The following CARF variants were observed in gnomAD, a reference collection of about 807,000 sequenced individuals.
CARF encodes the protein calcium responsive transcription factor.
A neutral mutation model predicts 82.0 loss-of-function variants in CARF; 57 were observed. That is an observed-to-expected ratio of 0.70 (90% CI 0.56 to 0.87). CARF has a LOEUF of 0.87. Ranked by LOEUF, CARF falls within the 40% of genes least tolerant of loss-of-function variation. CARF has a pLI of 0.00. For synonymous variants in CARF, 268 were observed against 290.1 expected (o/e 0.92, Z 0.77); for missense variants, 771 against 855.8 (o/e 0.90, Z 1.24).
At chr2:202,923,291 T>C (rs925348423) in intron 2 of CARF, among the ~76,000 whole-genome samples, 4 of 152,144 alleles carry the variant, frequency 2.6e-5, no homozygotes, top group African/African-American at 4.8e-5. Flanking sequence ...ACAAAATTAA[T>C]GTACACAATT....
chr2:202,934,991 C>T (rs1461393900), intron 3 of CARF, among the ~76,000 whole-genome samples: 7 of 148,946 alleles, frequency 4.7e-5, no homozygotes, highest in South Asian at 2.1e-4. Context: ...GTGGGAGAAT[C>T]GCTTGAACTG....
chr2:202,974,554 T>C, intron 13 of CARF, 58 bp downstream of exon 13: 1 of 1,474,180 alleles, frequency 6.8e-7, no homozygotes, highest in Middle Eastern at 1.8e-4. Flanking sequence ...TATTAATATT[T>C]AGTCTAATAA....
chr2:202,918,394 G>A (rs1467675554), intron 2 of CARF, among the ~76,000 whole-genome samples: 2 of 152,036 alleles, frequency 1.3e-5, no homozygotes, highest in Admixed American at 6.6e-5. Context: ...GGTGGCGGGC[G>A]CCTATAGTCC....
intron 1 of CARF, among the ~76,000 whole-genome samples, chr2:202,914,025 AGC>A (rs756149801): frequency 2.2e-4 from 33 of 152,162 alleles, no homozygotes; most frequent in Non-Finnish European, 3.5e-4. Flanking sequence ...CTAAATACCC[AGC>A]ATTATGTTTT....
At chr2:202,944,715 C>T (rs374270042) in intron 5 of CARF, among the ~76,000 whole-genome samples, 2 of 152,068 alleles carry the variant, frequency 1.3e-5, no homozygotes, top group African/African-American at 4.8e-5. Flanking sequence ...TTTTCATGTC[C>T]AGAATGAAAT....
In CARF at chr2:202,918,048, T is replaced by C; in HGVS notation, c.-163+5T>C. The stretch of plus-strand genomic sequence containing the variant: ...AACCTGAGCCACTATCTGAAGGTAA[T>C]TTTTTTTAACTAATTGAAAGTAACA... On this transcript the variant is annotated splice_donor_5th_base_variant and intron_variant, in intron 2 of 16. Transcript: ENST00000438828. The C allele has an allele frequency of 4.5e-6, 2 of 440,864 alleles. No homozygotes were observed. Among genetic ancestry groups the C allele is most frequent in the South Asian group, 1.6e-5 (1 of 60,644 alleles). 27.3% of individuals were successfully genotyped at this position (440,864 alleles called of 1,614,324 possible).
intron 5 of CARF, among the ~76,000 whole-genome samples, chr2:202,943,562 C>G (rs964378473): frequency 5.0e-5 from 7 of 139,954 alleles, no homozygotes; most frequent in Non-Finnish European, 9.2e-5. Flanking sequence ...CCAGAGTTGA[C>G]ATGGAACTTA....
chr2:202,969,617 A>ATAAG (rs1317396208), intron 10 of CARF, among the ~76,000 whole-genome samples: 3 of 123,734 alleles, frequency 2.4e-5, no homozygotes, highest in African/African-American at 8.9e-5. Context: ...AAATAAATAA[A>ATAAG]TAAGTAATCC....
At position 202,955,754 on chromosome 2, in the gene CARF, G is replaced by A; in HGVS notation, c.638G>A (p.Cys213Tyr). 6.2e-7 allele frequency: 1 copy of A among 1,608,552 alleles called. No homozygotes were observed. The highest frequency in any genetic ancestry group is 1.1e-5 in the South Asian group (1 of 90,254). ...ATATGGGCCTGCCGTCTTAGGAGCT[G>A]TGAGGTGAGTTATAAATAATCATTA... ...TPIWACRLRS[C>Y]EKIGDSYRGY... Residue 213 changes from cysteine (C) to tyrosine (Y), a missense_variant, in exon 8 of 17, where the codon TGT (cysteine) becomes TAT (tyrosine). By Grantham distance (194) the Cys-to-Tyr change is radical (BLOSUM62 -2). Coordinates refer to ENST00000438828, the MANE Select transcript of CARF (RefSeq NM_024744.17).
chr2:202,977,766 G>A (rs1227651520), intron 14 of CARF, among the ~76,000 whole-genome samples: 1 of 152,020 alleles, frequency 6.6e-6, no homozygotes, highest in Non-Finnish European at 1.5e-5. Context: ...CTTATGCATG[G>A]CAAACTCCTC....
intron 2 of CARF, among the ~76,000 whole-genome samples, chr2:202,922,890 T>C (rs755585875): frequency 9.2e-5 from 14 of 152,098 alleles, no homozygotes; most frequent in Non-Finnish European, 1.3e-4. Context: ...ATGATATGAT[T>C]GTTTACCTAG....
At chr2:202,954,443 G>A (rs1264867818) in intron 7 of CARF, among the ~76,000 whole-genome samples, 6 of 152,022 alleles carry the variant, frequency 3.9e-5, no homozygotes, top group South Asian at 2.1e-4. Context: ...GGCCAGGTGC[G>A]GTGGCTCACT....
intron 3 of CARF, among the ~76,000 whole-genome samples, chr2:202,934,143 G>A (rs1388407021): frequency 2.6e-5 from 4 of 151,970 alleles, no homozygotes; most frequent in African/African-American, 4.8e-5. Context: ...TCACACCATG[G>A]GCCACAGGTT....
At chr2:202,953,498 GTTTT>G (rs67855316) in intron 6 of CARF, among the ~76,000 whole-genome samples, 2 of 70,292 alleles carry the variant, frequency 2.8e-5, no homozygotes, top group Non-Finnish European at 5.0e-5. Flanking sequence ...TTTTTTTGTT[GTTTT>G]TTTTTTTTTT....
Position 202,983,572 on chromosome 2 carries a change from T to C in CARF, c.2126T>C (p.Leu709Ser). 6.2e-7 allele frequency: 1 copy of C among 1,612,138 alleles called. No individual in the cohort carries two copies. Among genetic ancestry groups the C allele is most frequent in the Non-Finnish European group, 8.5e-7 (1 of 1,179,322 alleles). Reference protein sequence around the residue: ...QVKQEPKEPALSMEAKKTVDY... With the variant: ...QVKQEPKEPASSMEAKKTVDY... ...AAACAAGAACCCAAAGAACCAGCAT[T>C]GTCTATGGAAGCAAAAAAAACTGTG... Residue 709 changes from leucine to serine, a missense_variant, in exon 17 of 17, where the codon TTG (leucine) becomes TCG (serine). Physicochemically the swap from Leu to Ser is moderately radical, Grantham distance 145. Coordinates refer to ENST00000438828, the MANE Select transcript of CARF (RefSeq NM_024744.17).
chr2:202,958,053 T>C (rs2059132534), intron 8 of CARF, among the ~76,000 whole-genome samples: 1 of 152,132 alleles, frequency 6.6e-6, no homozygotes, highest in African/African-American at 2.4e-5. Context: ...ATACAAACCA[T>C]AGATGGTAGT....
chr2:202,975,092 C>T (rs888467379), intron 13 of CARF, among the ~76,000 whole-genome samples: 12 of 152,008 alleles, frequency 7.9e-5, no homozygotes, highest in Non-Finnish European at 7.4e-5. Flanking sequence ...GGGCAGATCA[C>T]CTGAGGTCAG....
chr2:202,981,500 A>G, intron 14 of CARF, 55 bp from the exon 15 acceptor site: 2 of 1,240,328 alleles, frequency 1.6e-6, no homozygotes, highest in Non-Finnish European at 1.1e-6. Context: ...AAGTATTTTT[A>G]TGACTTCATA....
At chr2:202,962,915 CTA>C (rs2059382054) in intron 9 of CARF, 1 of 152,222 alleles carries the variant, frequency 6.6e-6, no homozygotes, top group African/African-American at 2.4e-5. Context: ...AACCTCCACA[CTA>C]TATATACTTT....
Sources: gnomAD v4.1 joint callset for allele counts (sites outside exome capture counted in the v4.1 genomes callset) on GRCh38, gnomAD v4.1.1 for gene constraint, MANE v1.5 for transcripts, NCBI Gene and HGNC (gene_info 2026-07-23, HGNC 2026-07-21) for gene names.